Variants in GIGYF1 observed in about 807,000 individuals in gnomAD.
GIGYF1 encodes GRB10 interacting GYF protein 1.
GIGYF1 carries 84 observed loss-of-function variants against 147.1 expected under a neutral mutation model. The observed-to-expected ratio is 0.57, with a 90% confidence interval of 0.48 to 0.68. The LOEUF is 0.68. Among genes scored for constraint, GIGYF1 ranks in the 30% least tolerant of loss-of-function variants. The pLI is 0.00. For synonymous variants in GIGYF1, 752 were observed against 589.5 expected, an observed-to-expected ratio of 1.28 and a Z score of -3.99; for missense variants, 1,485 against 1,393.7, an observed-to-expected ratio of 1.07 and a Z score of -1.04.
chr7:100,683,076 C>A lies in GIGYF1; in HGVS notation c.2348G>T (p.Arg783Leu). 1.3e-6 allele frequency: 2 copies of A among 1,581,566 alleles called. No homozygotes were observed. The highest frequency in any genetic ancestry group is 1.7e-6 in the Non-Finnish European group (2 of 1,169,946). The change falls in exon 22 of 27, where the codon CGG (arginine) becomes CTG (leucine). Residue 783 changes from arginine to leucine, a missense_variant. Transcript: ENST00000678049. ...AGGTGGGGGCTGTTTGTGCAGCTGCCGCTCGCCCTCCAGCTGCAACTCCAG... is the reference window on the plus strand; with the variant it reads ...AGGTGGGGGCTGTTTGTGCAGCTGCAGCTCGCCCTCCAGCTGCAACTCCAG... Reference protein sequence around the residue: ...TLLELQLEGERQLHKQPPPRE... With the variant: ...TLLELQLEGELQLHKQPPPRE...
intron 22 of GIGYF1, 49 bp downstream of exon 22, chr7:100,682,963 C>A (rs1414235158): frequency 2.1e-6 from 3 of 1,408,204 alleles, no homozygotes; most frequent in Admixed American, 5.3e-5. Flanking sequence ...CCTCCCTGTG[C>A]CACCCTGGAA....
rs59133087 is a variant in GIGYF1, at chr7:100,688,327, A to G, written c.-69-20T>C. 496 of 1,107,384 alleles carry G rather than the reference A, an allele frequency of 4.5e-4. 3 individuals are homozygous for G. The African/African-American group carries it at 7.0e-3, about 16-fold the overall frequency. 68.6% of individuals were successfully genotyped at this position (1,107,384 alleles called of 1,614,324 possible). ...AAACACCTGTGGGGGAACAGGGGCCATGAAGAACAGCACACGAAGGAGAAC... is the reference window on the plus strand; with the variant it reads ...AAACACCTGTGGGGGAACAGGGGCCGTGAAGAACAGCACACGAAGGAGAAC... On this transcript the variant is annotated intron_variant, in intron 3 of 26. Transcript: ENST00000678049.
At position 100,681,734 on chromosome 7, in the gene GIGYF1, G is replaced by C; in HGVS notation, c.3093C>G (p.Ser1031Arg). 6.4e-7 allele frequency: 1 copy of C among 1,573,804 alleles called. No individual in the cohort carries two copies. Among genetic ancestry groups the C allele is most frequent in the South Asian group, 1.2e-5 (1 of 84,426 alleles). Residue 1031 changes from serine (S) to arginine (R), a missense_variant, in exon 27 of 27, where the codon AGC becomes AGG. Transcript: ENST00000678049. ...TCCGGGCTGGTCAGTAGTCATCCACGCTCTCGATCTCACCAGAAGATCCGT... is the reference window on the plus strand; with the variant it reads ...TCCGGGCTGGTCAGTAGTCATCCACCCTCTCGATCTCACCAGAAGATCCGT... ...SLHGSSGEIESVDDY is the reference protein window; with the variant it reads ...SLHGSSGEIERVDDY
intron 10 of GIGYF1, 30 bp downstream of exon 10, chr7:100,686,619 C>A (rs1489533887): frequency 1.3e-6 from 2 of 1,589,228 alleles, no homozygotes; most frequent in Non-Finnish European, 1.7e-6. Context: ...CCCCACTGCC[C>A]CCGCCAATGC....
rs1208971190 is a variant in GIGYF1 at position 100,687,621 on chromosome 7, G to C, written c.262-5C>G. ...CACTGACAGGGAGAAGTTTCTCTGA[G>C]GAGGGAGCCAGGGGCGGGAGTGAGG... is the stretch of plus-strand genomic sequence containing the variant. On this transcript the variant is annotated splice_region_variant and splice_polypyrimidine_tract_variant and intron_variant, in intron 6 of 26. Coordinates refer to ENST00000678049, the MANE Select transcript of GIGYF1 (RefSeq NM_001375765.1). 6.2e-7 allele frequency: 1 copy of C among 1,607,584 alleles called. No homozygotes were observed. The highest frequency in any genetic ancestry group is 1.7e-5 in the Admixed American group (1 of 59,528).
chr7:100,693,297 GTT>G (rs11284657), intron 1 of GIGYF1, among the ~76,000 whole-genome samples: 17 of 150,656 alleles, frequency 1.1e-4, no homozygotes, highest in Non-Finnish European at 1.2e-4. Flanking sequence ...AAATTTTTTT[GTT>G]TTTTTTTTTT....
chr7:100,686,868 C>G (rs768937340), intron 9 of GIGYF1, 49 bp from the exon 10 acceptor site: 1 of 1,570,840 alleles, frequency 6.4e-7, no homozygotes, highest in South Asian at 1.1e-5. Context: ...AGCGTGGTGC[C>G]TGGACCCTCA....
chr7:100,686,637 C>A lies in GIGYF1; in HGVS notation c.694+12G>T, dbSNP rs1282376511. 9 of 1,606,066 alleles carry A rather than the reference C, an allele frequency of 5.6e-6. No homozygotes were observed. In the East Asian group the frequency reaches 1.3e-4, roughly 24 times the overall value. On this transcript the variant is annotated intron_variant, in intron 10 of 26. Coordinates refer to ENST00000678049, the MANE Select transcript of GIGYF1 (RefSeq NM_001375765.1). ...CACTGCCCCCGCCAATGCTACCAGG[C>A]CCCAATCTCACCAGGGCTGGCGGAG...
At chr7:100,684,414 C>A in intron 16 of GIGYF1, 36 bp downstream of exon 16, 2 of 1,609,744 alleles carry the variant, frequency 1.2e-6, no homozygotes, top group South Asian at 1.1e-5. Context: ...GCACCCCTCA[C>A]ACCCTGTCCC....
At chr7:100,690,838 C>T (rs1231452465) in intron 1 of GIGYF1, among the ~76,000 whole-genome samples, 4 of 150,850 alleles carry the variant, frequency 2.7e-5, no homozygotes, top group African/African-American at 9.8e-5. Context: ...CCCTGCCAGG[C>T]GCAGCAAGGG....
At position 100,686,266 on chromosome 7, in the gene GIGYF1, T is replaced by C. The variant is rs772079274; in HGVS notation, c.862A>G (p.Lys288Glu). The stretch of plus-strand genomic sequence containing the variant: ...AGGCACCACTCTGGGAGCCCATCCT[T>C]GTCCTCCTCAAAGCCTTCAGGCGCT... ...CRAPEGFEED[K>E]DGLPEWCLDD... is the part of the protein sequence containing the mutation. Residue 288 changes from lysine (K) to glutamate (E), a missense_variant, in exon 11 of 27, where the codon AAG (lysine) becomes GAG (glutamate). Transcript: ENST00000678049. The C allele has an allele frequency of 6.2e-7, 1 of 1,614,050 alleles. No individual in the cohort carries two copies. The highest frequency in any genetic ancestry group is 8.5e-7 in the Non-Finnish European group (1 of 1,179,986).
chr7:100,688,385 T>C (rs1805579561), intron 3 of GIGYF1, 66 bp downstream of exon 3: 2 of 753,746 alleles, frequency 2.7e-6, no homozygotes, highest in African/African-American at 1.7e-5. Flanking sequence ...ATGGGGGACA[T>C]CCTAGTGGGC....
rs1562864706 is a variant in GIGYF1, at chr7:100,680,855, C to G, written c.*864G>C. ...CAAAGAATACATTCACGTGGCAAGG[C>G]AGAGAGCTGGGGCTTTCAGGTTCAA... On this transcript the variant is annotated 3_prime_UTR_variant, in exon 27 of 27. Coordinates refer to ENST00000678049, the MANE Select transcript of GIGYF1 (RefSeq NM_001375765.1). 1 of 152,764 alleles carries G rather than the reference C, an allele frequency of 6.5e-6. No individual in the cohort carries two copies. Among genetic ancestry groups the G allele is most frequent in the Admixed American group, 6.5e-5 (1 of 15,290 alleles). 9.5% of individuals were successfully genotyped at this position (152,764 alleles called of 1,614,324 possible). A position where few individuals can be genotyped will look rare whatever the true frequency, so the allele number is the denominator to read the frequency against.
rs1278573000 is a variant in GIGYF1, at chr7:100,680,692, C to T, written c.*1027G>A. ...AAGCCCAAAGCCACCCACTCCTTGC[C>T]TTTGAGGCCCCTCCTCCTGCCCCCT... On this transcript the variant is annotated 3_prime_UTR_variant, in exon 27 of 27. Coordinates refer to ENST00000678049, the MANE Select transcript of GIGYF1 (RefSeq NM_001375765.1). 2.0e-5 allele frequency: 3 copies of T among 152,708 alleles called. No individual in the cohort carries two copies. The highest frequency in any genetic ancestry group is 4.4e-5 in the Non-Finnish European group (3 of 68,194). 9.5% of individuals were successfully genotyped at this position (152,708 alleles called of 1,614,324 possible).
At position 100,688,809 on chromosome 7, in the gene GIGYF1, G is replaced by A. The variant is rs965018811; in HGVS notation, c.-352C>T. On this transcript the variant is annotated 5_prime_UTR_variant, in exon 2 of 27. The change creates a premature stop within an existing upstream ORF in the 5' untranslated region. Coordinates refer to ENST00000678049, the MANE Select transcript of GIGYF1 (RefSeq NM_001375765.1). Reference sequence around the variant, plus strand: ...CCCGCATGACAGGAGAGGTCCATTCGCCGGATGGTGTCTCTGGGCATCAGC... The same window carrying A: ...CCCGCATGACAGGAGAGGTCCATTCACCGGATGGTGTCTCTGGGCATCAGC... The A allele has an allele frequency of 1.7e-4, 37 of 216,052 alleles. No homozygotes were observed. The highest frequency in any genetic ancestry group is 8.0e-4 in the African/African-American group (35 of 43,632). The allele number at this position is 216,052 out of a possible 1,614,324, so 13.4% of individuals were successfully genotyped here. A position where few individuals can be genotyped will look rare whatever the true frequency, so the allele number is the denominator to read the frequency against.
intron 1 of GIGYF1, among the ~76,000 whole-genome samples, chr7:100,692,856 G>C (rs535303844): frequency 1.6e-4 from 24 of 152,320 alleles, no homozygotes; most frequent in Non-Finnish European, 2.8e-4. Flanking sequence ...TCAGATTGGA[G>C]CTGGCTAGCC....
chr7:100,691,324 C>T (rs938683934), intron 1 of GIGYF1, among the ~76,000 whole-genome samples: 3 of 152,150 alleles, frequency 2.0e-5, no homozygotes, highest in Admixed American at 1.3e-4. Context: ...CCCTCCTCTG[C>T]GCCACGAGCA....
In GIGYF1 at chr7:100,682,337, T is replaced by A. The variant is rs141791451; in HGVS notation, c.2746A>T (p.Thr916Ser). The change falls in exon 24 of 27, where the codon ACG becomes TCG. Residue 916 changes from threonine to serine, a missense_variant. Physicochemically the swap from Thr to Ser is moderately conservative, Grantham distance 58. Transcript: ENST00000678049. ...GCTCGCCCACCGTCCAGGCTGCCCG[T>A]GGCGCTCAGCGTGTGCAGCATCTGC... The part of the protein sequence containing the change: ...CEQMLHTLSA[T>S]GSLDVPMAVA... 3.1e-6 allele frequency: 5 copies of A among 1,612,532 alleles called. No homozygotes were observed. Among genetic ancestry groups the A allele is most frequent in the Non-Finnish European group, 4.2e-6 (5 of 1,179,780 alleles).
chr7:100,683,658 G>T lies in GIGYF1; in HGVS notation c.1970-26C>A. 1.9e-6 allele frequency: 3 copies of T among 1,604,870 alleles called. No homozygotes were observed. The South Asian group carries it at 3.3e-5, about 18-fold the overall frequency. On this transcript the variant is annotated intron_variant, in intron 19 of 26. Transcript: ENST00000678049. ...CTGCAGGGGGCAGGGGGGCAGAGGC[G>T]GCTGCAGGTGGGCACTTGGGCCCAC...
Sources: gnomAD v4.1 joint callset for allele counts (sites outside exome capture counted in the v4.1 genomes callset) on GRCh38, gnomAD v4.1.1 for gene constraint, MANE v1.5 for transcripts, NCBI Gene and HGNC (gene_info 2026-07-23, HGNC 2026-07-21) for gene names.